GRIN2A: variants seen among roughly 807,000 people sequenced by gnomAD.
GRIN2A encodes glutamate ionotropic receptor NMDA type subunit 2A, also known as glutamate receptor ionotropic, NMDA 2A.
In GRIN2A, 22 loss-of-function variants were observed where a neutral mutation model predicts 113.4. The ratio of observed to expected loss-of-function variants is 0.19; its 90% CI spans 0.14 to 0.28. The LOEUF is 0.28. GRIN2A is among the 10% of genes least tolerant of loss of function. The probability of loss-of-function intolerance (pLI) is 1.00; values close to 1 mark genes in which losing one functional copy is unlikely to be tolerated. For synonymous variants in GRIN2A, 827 were observed against 738.4 expected (o/e 1.12, Z -1.94); for missense variants, 1,502 against 1,887.0 (o/e 0.80, Z 3.78).
chr16:10,049,492 C>T (rs181726164), intron 2 of GRIN2A, among the ~76,000 whole-genome samples: 1 of 152,214 alleles, frequency 6.6e-6, no homozygotes, highest in African/African-American at 2.4e-5. Context: ...ATTCTCCTGC[C>T]TCAGCCTCCT....
At chr16:9,971,302 A>G (rs534292493) in intron 2 of GRIN2A, among the ~76,000 whole-genome samples, 1 of 152,258 alleles carries the variant, frequency 6.6e-6, no homozygotes, top group Non-Finnish European at 1.5e-5. Flanking sequence ...TCAACTCAAA[A>G]CTCAACCACC....
chr16:10,123,853 A>G (rs1243691496), intron 2 of GRIN2A, among the ~76,000 whole-genome samples: 1 of 152,166 alleles, frequency 6.6e-6, no homozygotes, highest in Non-Finnish European at 1.5e-5. Context: ...CAGCTTCCAC[A>G]TTTGCAGAAT....
At chr16:9,993,586 G>T (rs1214608370) in intron 2 of GRIN2A, among the ~76,000 whole-genome samples, 1 of 152,032 alleles carries the variant, frequency 6.6e-6, no homozygotes, top group African/African-American at 2.4e-5. Context: ...AAATAAATCT[G>T]TTTTATTTTG....
intron 2 of GRIN2A, among the ~76,000 whole-genome samples, chr16:10,167,358 A>G (rs2049946354): frequency 6.6e-6 from 1 of 152,228 alleles, no homozygotes; most frequent in Admixed American, 6.5e-5. Context: ...TCAAGGTGTC[A>G]GTGATTTTTG....
intron 2 of GRIN2A, among the ~76,000 whole-genome samples, chr16:9,993,447 T>C (rs1180930558): frequency 2.0e-5 from 3 of 151,920 alleles, no homozygotes; most frequent in African/African-American, 7.3e-5. Flanking sequence ...TCCTACCTAC[T>C]TGGAAGGCAG....
At position 9,754,363 on chromosome 16, in the gene GRIN2A, C is replaced by G. The variant is rs545218175; in HGVS notation, c.*8786G>C. 9.6e-6 allele frequency: 2 copies of G among 209,146 alleles called. No homozygotes were observed. The highest frequency in any genetic ancestry group is 1.9e-5 in the Non-Finnish European group (2 of 102,802). 13.0% of individuals were successfully genotyped at this position (209,146 alleles called of 1,614,324 possible). A position where few individuals can be genotyped will look rare whatever the true frequency, so the allele number is the denominator to read the frequency against. Reference sequence around the variant, plus strand: ...GCATCTGAGCCACATCTAACTATGTCACTGCTGTGTCAAGCAGTTTTCTGA... The same window carrying G: ...GCATCTGAGCCACATCTAACTATGTGACTGCTGTGTCAAGCAGTTTTCTGA... On this transcript the variant is annotated 3_prime_UTR_variant, in exon 13 of 13. Coordinates refer to ENST00000330684, the MANE Select transcript of GRIN2A (RefSeq NM_001134407.3).
At chr16:10,044,516 A>C (rs757954071) in intron 2 of GRIN2A, among the ~76,000 whole-genome samples, 1 of 151,640 alleles carries the variant, frequency 6.6e-6, no homozygotes, top group African/African-American at 2.4e-5. Flanking sequence ...AAATTAAGTC[A>C]TTCTTCATCT....
At chr16:9,854,058 C>T (rs1327417194) in intron 4 of GRIN2A, among the ~76,000 whole-genome samples, 4 of 152,138 alleles carry the variant, frequency 2.6e-5, no homozygotes, top group Non-Finnish European at 5.9e-5. Flanking sequence ...TGATTGGTTT[C>T]TATGTCCACA....
intron 11 of GRIN2A, among the ~76,000 whole-genome samples, chr16:9,772,922 CAAAAAA>C (rs71400490): frequency 1.6e-4 from 17 of 104,984 alleles, no homozygotes; most frequent in East Asian, 1.4e-3. Flanking sequence ...ACTTCAATTT[CAAAAAA>C]AAAAAAAAAA....
intron 2 of GRIN2A, among the ~76,000 whole-genome samples, chr16:10,055,806 CT>C (rs2047448494): frequency 6.6e-6 from 1 of 152,182 alleles, no homozygotes; most frequent in African/African-American, 2.4e-5. Context: ...GCAATTGTGC[CT>C]GTCTGAGGCA....
intron 2 of GRIN2A, among the ~76,000 whole-genome samples, chr16:10,153,459 A>G (rs2142300880): frequency 6.6e-6 from 1 of 152,298 alleles, no homozygotes; most frequent in East Asian, 1.9e-4. Context: ...GTCATTTCAA[A>G]TATGATAAAC....
At chr16:9,801,949 C>T (rs925183425) in intron 10 of GRIN2A, among the ~76,000 whole-genome samples, 2 of 152,208 alleles carry the variant, frequency 1.3e-5, no homozygotes, top group Admixed American at 6.5e-5. Context: ...GGGCTACAGA[C>T]AACTGCGTGT....
Position 9,849,789 on chromosome 16 carries a change from T to C in GRIN2A, c.1295A>G (p.Asn432Ser), listed in dbSNP as rs1390579090. The part of the protein sequence containing the change: ...IDPLTETCVR[N>S]TVPCRKFVKI... ...GACGAACTTCCGACATGGCACGGTG[T>C]TCCTCACACACGTCTCGGTCAGGGG... The change falls in exon 5 of 13, where the codon AAC becomes AGC. Residue 432 changes from asparagine (N) to serine (S), a missense_variant. Coordinates refer to ENST00000330684, the MANE Select transcript of GRIN2A (RefSeq NM_001134407.3). 4 of 1,613,960 alleles carry C rather than the reference T, an allele frequency of 2.5e-6. No homozygotes were observed. Among genetic ancestry groups the C allele is most frequent in the African/African-American group, 1.3e-5 (1 of 74,902 alleles).
At chr16:10,024,408 TG>T (rs2141905061) in intron 2 of GRIN2A, among the ~76,000 whole-genome samples, 1 of 152,268 alleles carries the variant, frequency 6.6e-6, no homozygotes, top group South Asian at 2.1e-4. Flanking sequence ...TTAGTAGAGA[TG>T]GGGTTTCACC....
chr16:9,934,721 TTTG>T (rs1202295616), intron 3 of GRIN2A, among the ~76,000 whole-genome samples: 15 of 149,028 alleles, frequency 1.0e-4, no homozygotes, highest in Non-Finnish European at 8.9e-5. Flanking sequence ...TATAATCCTT[TTTG>T]TTTTTTTGTT....
At chr16:10,040,053 C>CACAGAA (rs1170802516) in intron 2 of GRIN2A, among the ~76,000 whole-genome samples, 1 of 790 alleles carries the variant, frequency 1.3e-3, no homozygotes, top group Non-Finnish European at 2.9e-3. Flanking sequence ...CCACACACCA[C>CACAGAA]CATAAATACA....
At chr16:10,034,106 T>G (rs1483158873) in intron 2 of GRIN2A, among the ~76,000 whole-genome samples, 1 of 152,136 alleles carries the variant, frequency 6.6e-6, no homozygotes, top group African/African-American at 2.4e-5. Flanking sequence ...CCGTGAGAAC[T>G]GAGATTGGCA....
At chr16:9,865,123 A>C (rs934835952) in intron 4 of GRIN2A, among the ~76,000 whole-genome samples, 5 of 152,220 alleles carry the variant, frequency 3.3e-5, no homozygotes, top group Admixed American at 1.3e-4. Flanking sequence ...GATCATTTGA[A>C]ATACTAAAGC....
chr16:9,890,947 C>G, intron 4 of GRIN2A, 39 bp downstream of exon 4: 1 of 1,276,594 alleles, frequency 7.8e-7, no homozygotes, highest in Non-Finnish European at 1.1e-6. Context: ...CCCATGCTTT[C>G]TTCCCTCCCC....
Sources: gnomAD v4.1 joint callset for allele counts (sites outside exome capture counted in the v4.1 genomes callset) on GRCh38, gnomAD v4.1.1 for gene constraint, MANE v1.5 for transcripts, NCBI Gene and HGNC (gene_info 2026-07-23, HGNC 2026-07-21) for gene names.